The following PPP2R2B variants were observed in gnomAD, a reference collection of about 807,000 sequenced individuals.
PPP2R2B encodes protein phosphatase 2 regulatory subunit Bbeta.
In PPP2R2B, 5 loss-of-function variants were observed where a neutral mutation model predicts 46.0. The observed-to-expected ratio is 0.11, with a 90% CI of 0.06 to 0.23. The LOEUF is 0.23. Ranked by LOEUF, PPP2R2B falls within the 10% of genes least tolerant of loss-of-function variation. The pLI is 1.00. For synonymous variants in PPP2R2B, 215 were observed against 206.7 expected, an observed-to-expected ratio of 1.04 and a Z score of -0.34; for missense variants, 367 against 575.0, an observed-to-expected ratio of 0.64 and a Z score of 3.70.
At chr5:147,052,694 C>T (rs9325033) in intron 1 of PPP2R2B, among the ~76,000 whole-genome samples, 2,812 of 152,246 alleles carry the variant, frequency 0.018, 87 homozygotes, top group African/African-American at 0.064. Context: ...TATGTTTGAC[C>T]TCAGGCAGGA....
intron 1 of PPP2R2B, among the ~76,000 whole-genome samples, chr5:146,912,516 T>C: frequency 6.6e-6 from 1 of 150,412 alleles, no homozygotes; most frequent in East Asian, 2.0e-4. Context: ...TTTTTTCTTT[T>C]TTTTTTTTTG....
chr5:146,677,895 A>C (rs1166112805), intron 5 of PPP2R2B, among the ~76,000 whole-genome samples: 1 of 152,200 alleles, frequency 6.6e-6, no homozygotes, highest in Non-Finnish European at 1.5e-5. Context: ...AGCAGAGACC[A>C]TACATGTCCA....
intron 2 of PPP2R2B, among the ~76,000 whole-genome samples, chr5:146,720,085 T>C (rs1187733698): frequency 6.6e-6 from 1 of 152,212 alleles, no homozygotes; most frequent in East Asian, 1.9e-4. Context: ...ACTTTGCCTC[T>C]GTAGGCATCT....
At chr5:146,606,215 G>T (rs1772255148) in intron 7 of PPP2R2B, among the ~76,000 whole-genome samples, 1 of 152,160 alleles carries the variant, frequency 6.6e-6, no homozygotes, top group Admixed American at 6.5e-5. Context: ...GTAACCACAG[G>T]TGCAGGCTGT....
At chr5:146,626,695 C>G (rs1377672631) in intron 7 of PPP2R2B, among the ~76,000 whole-genome samples, 1 of 152,088 alleles carries the variant, frequency 6.6e-6, no homozygotes, top group East Asian at 1.9e-4. Context: ...AAGGCCAGAG[C>G]CATCTATAAC....
intron 5 of PPP2R2B, among the ~76,000 whole-genome samples, chr5:146,676,100 C>A (rs1480971004): frequency 6.6e-6 from 1 of 152,032 alleles, no homozygotes; most frequent in African/African-American, 2.4e-5. Flanking sequence ...ACAATGGCAG[C>A]TGGGGGCTAG....
chr5:146,599,514 G>A (rs1000717772), intron 8 of PPP2R2B, among the ~76,000 whole-genome samples: 1 of 152,134 alleles, frequency 6.6e-6, no homozygotes, highest in African/African-American at 2.4e-5. Context: ...ACAGCCTACT[G>A]TATATTACCA....
intron 7 of PPP2R2B, among the ~76,000 whole-genome samples, chr5:146,626,853 C>T (rs1415542413): frequency 2.6e-5 from 4 of 152,188 alleles, no homozygotes; most frequent in African/African-American, 2.4e-5. Context: ...ATGAATAACA[C>T]TCACTTCCAA....
At chr5:146,714,154 G>A (rs566660393) in intron 2 of PPP2R2B, among the ~76,000 whole-genome samples, 8 of 152,196 alleles carry the variant, frequency 5.3e-5, no homozygotes, top group South Asian at 2.1e-4. Context: ...TCAAAGAAAC[G>A]TAATGTCCTG....
Position 146,588,879 on chromosome 5 carries a change from T to G in PPP2R2B, c.*1068A>C, listed in dbSNP as rs1770317069. The G allele has an allele frequency of 6.6e-6, 1 of 152,170 alleles. No homozygotes were observed. The highest frequency in any genetic ancestry group is 1.5e-5 in the Non-Finnish European group (1 of 68,040). 9.4% of individuals were successfully genotyped at this position (152,170 alleles called of 1,614,324 possible). A position where few individuals can be genotyped will look rare whatever the true frequency, so the allele number is the denominator to read the frequency against. On this transcript the variant is annotated 3_prime_UTR_variant, in exon 10 of 10. Transcript: ENST00000394411. ...TCAGCGTTTTTATTGGCTATTTTTGTTCTAGGTACAATGGAGGTTGATGGA... is the reference window on the plus strand; with the variant it reads ...TCAGCGTTTTTATTGGCTATTTTTGGTCTAGGTACAATGGAGGTTGATGGA...
intron 7 of PPP2R2B, among the ~76,000 whole-genome samples, chr5:146,631,712 C>T (rs1255121017): frequency 6.6e-6 from 1 of 152,330 alleles, no homozygotes; most frequent in Non-Finnish European, 1.5e-5. Context: ...CACAGGAAAG[C>T]CTCCAGGCAT....
intron 5 of PPP2R2B, among the ~76,000 whole-genome samples, chr5:146,686,519 T>C (rs539410120): frequency 7.2e-5 from 11 of 152,278 alleles, no homozygotes; most frequent in Admixed American, 6.5e-4. Context: ...GGATATAAAA[T>C]CTAGTACCTG....
chr5:146,731,069 C>T (rs1752201530), intron 2 of PPP2R2B, among the ~76,000 whole-genome samples: 1 of 152,204 alleles, frequency 6.6e-6, no homozygotes, highest in African/African-American at 2.4e-5. Context: ...TGAAGCCATA[C>T]ACAACACACC....
intron 7 of PPP2R2B, among the ~76,000 whole-genome samples, chr5:146,629,350 C>T (rs1184317652): frequency 1.3e-5 from 2 of 152,160 alleles, no homozygotes; most frequent in Non-Finnish European, 2.9e-5. Context: ...TTAGATTCTC[C>T]CTTTTCCATC....
At chr5:146,739,127 C>T (rs1387733393) in intron 2 of PPP2R2B, among the ~76,000 whole-genome samples, 1 of 151,952 alleles carries the variant, frequency 6.6e-6, no homozygotes, top group Non-Finnish European at 1.5e-5. Context: ...TCAAGTGATC[C>T]CCCATCCCCC....
intron 2 of PPP2R2B, among the ~76,000 whole-genome samples, chr5:146,762,739 T>C (rs570626874): frequency 2.6e-5 from 4 of 152,238 alleles, no homozygotes; most frequent in African/African-American, 7.2e-5. Flanking sequence ...AAGAAACTCA[T>C]AGGAATGAAG....
chr5:146,997,414 A>C (rs1753973123), intron 1 of PPP2R2B, among the ~76,000 whole-genome samples: 1 of 152,184 alleles, frequency 6.6e-6, no homozygotes, highest in Non-Finnish European at 1.5e-5. Flanking sequence ...CCCTCCAGGT[A>C]GACATTCTGT....
chr5:146,816,237 C>T (rs769710452), intron 2 of PPP2R2B, among the ~76,000 whole-genome samples: 1 of 152,056 alleles, frequency 6.6e-6, no homozygotes, highest in Non-Finnish European at 1.5e-5. Context: ...GACTCCATCT[C>T]TACAAAAAAA....
intron 2 of PPP2R2B, among the ~76,000 whole-genome samples, chr5:146,755,224 A>T (rs1187624794): frequency 6.6e-6 from 1 of 152,190 alleles, no homozygotes; most frequent in East Asian, 1.9e-4. Flanking sequence ...TATTTTTGTT[A>T]TACATGCATT....
Sources: allele counts gnomAD v4.1 joint callset (sites outside exome capture counted in the v4.1 genomes callset), GRCh38; gene constraint gnomAD v4.1.1; transcripts MANE v1.5; gene names NCBI Gene and HGNC (gene_info 2026-07-23, HGNC 2026-07-21).